Variants in NUP88 observed in about 807,000 individuals in gnomAD.
NUP88 encodes the protein nuclear pore complex protein Nup88.
NUP88 carries 57 observed loss-of-function variants against 93.9 expected under a neutral mutation model. That is an observed-to-expected ratio of 0.61 (90% CI 0.49 to 0.76). The LOEUF (loss-of-function observed/expected upper bound fraction) is 0.76, where lower values mean the gene tolerates loss of function less well. NUP88 is among the 30% of genes least tolerant of loss of function. NUP88 has a pLI of 0.00. For missense variants in NUP88, 911 were observed against 901.0 expected (o/e 1.01, Z -0.14); for synonymous variants, 346 against 336.8 (o/e 1.03, Z -0.30).
At chr17:5,391,962 C>G (rs1319371454) in intron 9 of NUP88, among the ~76,000 whole-genome samples, 5 of 137,092 alleles carry the variant, frequency 3.6e-5, no homozygotes, top group Non-Finnish European at 7.8e-5. Context: ...CCCCAGCTAT[C>G]TTTGTTTGCC....
Position 5,413,995 on chromosome 17 carries a change from G to C in NUP88, c.593+14C>G. The C allele has an allele frequency of 1.2e-6, 2 of 1,612,644 alleles. No homozygotes were observed. The highest frequency in any genetic ancestry group is 1.7e-5 in the Admixed American group (1 of 59,976). ...CCCACTCGCAAGGCTTCAAGAGAGA[G>C]AAATAAAATTTACCTGATTACGTTG... On this transcript the variant is annotated intron_variant, in intron 3 of 16. Coordinates refer to ENST00000573584, the MANE Select transcript of NUP88 (RefSeq NM_002532.6).
intron 8 of NUP88, among the ~76,000 whole-genome samples, chr17:5,398,527 G>A (rs1320081384): frequency 6.6e-6 from 1 of 151,858 alleles, no homozygotes; most frequent in Non-Finnish European, 1.5e-5. Flanking sequence ...CTGACCTCGG[G>A]TGATCCACAA....
intron 3 of NUP88, among the ~76,000 whole-genome samples, chr17:5,412,475 T>C (rs1913894436): frequency 6.6e-6 from 1 of 152,168 alleles, no homozygotes; most frequent in African/African-American, 2.4e-5. Context: ...CGTTCAGTAC[T>C]ATCTACAGTT....
At chr17:5,415,776 G>C (rs373233373) in intron 2 of NUP88, among the ~76,000 whole-genome samples, 1 of 152,086 alleles carries the variant, frequency 6.6e-6, no homozygotes, top group African/African-American at 2.4e-5. Context: ...TAACCCAATC[G>C]TAAGTTGAAA....
intron 13 of NUP88, 26 bp downstream of exon 13, chr17:5,387,579 G>T (rs1912100492): frequency 6.2e-7 from 1 of 1,603,632 alleles, no homozygotes; most frequent in South Asian, 1.1e-5. Flanking sequence ...CTGACCTATT[G>T]TATTCTTCTT....
At chr17:5,402,307 CA>C (rs61030115) in intron 7 of NUP88, among the ~76,000 whole-genome samples, 31 of 145,546 alleles carry the variant, frequency 2.1e-4, no homozygotes, top group African/African-American at 2.0e-4. Context: ...AACTCCATCT[CA>C]AAAAAAAAAA....
chr17:5,387,478 AG>A lies in NUP88; in HGVS notation c.1836-13del, dbSNP rs1193283604. Reference sequence around the variant, plus strand: ...CCCGCAGACTTTTCCTAATGATGTAAGACACAAGAGACTCTTGAGGTCCACC... The same window carrying A: ...CCCGCAGACTTTTCCTAATGATGTAAACACAAGAGACTCTTGAGGTCCACC... On this transcript the variant is annotated splice_polypyrimidine_tract_variant and intron_variant, in intron 13 of 16. Transcript: ENST00000573584. 1 of 1,613,346 alleles carries A rather than the reference AG, an allele frequency of 6.2e-7. No individual in the cohort carries two copies. The highest frequency in any genetic ancestry group is 1.7e-5 in the Admixed American group (1 of 60,022).
rs367880535 is a variant in NUP88, at chr17:5,387,463, T to C, written c.1839A>G (p.Lys613=). ...AACGCTCAGCCATTTCCCGCAGACT[T>C]TTCCTAATGATGTAAGACACAAGAG... ...EDLSYCREER[K]SLREMAERLA... The change falls in exon 14 of 17, where the codon AAA becomes AAG. Residue 613 remains lysine, a synonymous_variant. Coordinates refer to ENST00000573584, the MANE Select transcript of NUP88 (RefSeq NM_002532.6). The C allele has an allele frequency of 9.9e-6, 16 of 1,614,052 alleles. No homozygotes were observed. Among genetic ancestry groups the C allele is most frequent in the African/African-American group, 1.3e-5 (1 of 74,938 alleles).
intron 8 of NUP88, among the ~76,000 whole-genome samples, chr17:5,398,442 CCAT>C (rs1912922983): frequency 1.3e-5 from 2 of 152,038 alleles, no homozygotes; most frequent in South Asian, 2.1e-4. Context: ...GCGCACACCA[CCAT>C]GCCTGGCTAA....
chr17:5,419,069 C>T (rs1199069694), intron 1 of NUP88, among the ~76,000 whole-genome samples: 1 of 152,242 alleles, frequency 6.6e-6, no homozygotes, highest in Non-Finnish European at 1.5e-5. Context: ...AAAATAGCAA[C>T]TCCGCCCACT....
At chr17:5,404,289 T>G in intron 6 of NUP88, 43 bp from the exon 7 acceptor site, 1 of 1,604,446 alleles carries the variant, frequency 6.2e-7, no homozygotes, top group Non-Finnish European at 8.5e-7. Context: ...CATGTTAATT[T>G]GAAAATGTAC....
chr17:5,399,190 CTT>C (rs536801907), intron 8 of NUP88, among the ~76,000 whole-genome samples: 14,190 of 123,246 alleles, frequency 0.12, 955 homozygotes, highest in East Asian at 0.25. Context: ...CGCACCCGGC[CTT>C]TTTTTTTTTT....
At chr17:5,418,747 G>C (rs1201049664) in intron 1 of NUP88, among the ~76,000 whole-genome samples, 2 of 152,170 alleles carry the variant, frequency 1.3e-5, no homozygotes, top group African/African-American at 4.8e-5. Flanking sequence ...AAGAGAATCT[G>C]TGTATTACAA....
At chr17:5,404,430 T>C (rs555559696) in intron 6 of NUP88, among the ~76,000 whole-genome samples, 184 bp from the exon 7 acceptor site, 2 of 152,168 alleles carry the variant, frequency 1.3e-5, no homozygotes, top group East Asian at 3.9e-4. Context: ...CTGGCCAACA[T>C]ACTGAAACCC....
chr17:5,416,423 G>C, intron 2 of NUP88, 90 bp downstream of exon 2: 1 of 837,462 alleles, frequency 1.2e-6, no homozygotes. Flanking sequence ...TGTTTTAAGA[G>C]TAGTATACTA....
chr17:5,419,483 C>A lies in NUP88; in HGVS notation c.168G>T (p.Leu56=). The part of the protein sequence containing the change: ...SLPSSPPPQL[L]TRNVVFGLGG... The stretch of plus-strand genomic sequence containing the variant: ...CGAGGCCAAAGACCACGTTTCTCGT[C>A]AGCAACTGCGGCGGCGGCGACGAAG... The change falls in exon 1 of 17, where the codon CTG becomes CTT. Residue 56 remains leucine (L), a synonymous_variant. Coordinates refer to ENST00000573584, the MANE Select transcript of NUP88 (RefSeq NM_002532.6). The A allele has an allele frequency of 1.2e-6, 2 of 1,614,088 alleles. No homozygotes were observed. Among genetic ancestry groups the A allele is most frequent in the Non-Finnish European group, 1.7e-6 (2 of 1,179,978 alleles).
chr17:5,387,226 G>A, intron 14 of NUP88, 116 bp from the exon 15 acceptor site: 1 of 1,327,806 alleles, frequency 7.5e-7, no homozygotes, highest in East Asian at 2.3e-5. Flanking sequence ...CATAGGAAGG[G>A]TTAGGGGAGA....
chr17:5,415,381 T>C (rs1195559794), intron 2 of NUP88, among the ~76,000 whole-genome samples: 1 of 152,208 alleles, frequency 6.6e-6, no homozygotes, highest in Non-Finnish European at 1.5e-5. Flanking sequence ...TTAGGATTGA[T>C]ACATATTTAT....
At chr17:5,415,164 C>T (rs1314092696) in intron 2 of NUP88, among the ~76,000 whole-genome samples, 10 of 151,832 alleles carry the variant, frequency 6.6e-5, no homozygotes, top group Non-Finnish European at 7.4e-5. Flanking sequence ...GGACTACAGG[C>T]GTGTGCCACC....
Sources: gnomAD v4.1 joint callset for allele counts (sites outside exome capture counted in the v4.1 genomes callset) on GRCh38, gnomAD v4.1.1 for gene constraint, MANE v1.5 for transcripts, NCBI Gene and HGNC (gene_info 2026-07-23, HGNC 2026-07-21) for gene names.